The following RBFOX3 variants were observed in gnomAD, a reference collection of about 807,000 sequenced individuals.
RBFOX3 encodes the protein RNA binding protein fox-1 homolog 3.
Under a neutral mutation model 48.7 loss-of-function variants are expected in RBFOX3, and 17 were observed. The observed-to-expected ratio is 0.35, with a 90% CI of 0.24 to 0.52. RBFOX3 has a LOEUF of 0.52. RBFOX3 is among the 20% of genes least tolerant of loss of function. The probability of loss-of-function intolerance (pLI) is 0.94; values close to 1 mark genes in which losing one functional copy is unlikely to be tolerated. For missense variants in RBFOX3, 382 were observed against 497.5 expected, an observed-to-expected ratio of 0.77 and a Z score of 2.21; for synonymous variants, 212 against 209.5, an observed-to-expected ratio of 1.01 and a Z score of -0.10.
intron 4 of RBFOX3, among the ~76,000 whole-genome samples, chr17:79,196,615 G>A (rs2612806): frequency 6.6e-6 from 1 of 152,122 alleles, no homozygotes; most frequent in African/African-American, 2.4e-5. Flanking sequence ...GCAGTGCCCA[G>A]ATGAGACTGC....
At chr17:79,355,057 AG>A (rs1207497500) in intron 2 of RBFOX3, among the ~76,000 whole-genome samples, 3 of 152,134 alleles carry the variant, frequency 2.0e-5, no homozygotes, top group Non-Finnish European at 2.9e-5. Context: ...TCCTCTTTAT[AG>A]CCCCACACGG....
rs551750948 is a variant in RBFOX3 at position 79,426,006 on chromosome 17, G to C, written c.-175+56448C>G. Reference sequence around the variant, plus strand: ...TGTAACACTGGAGGAATCACGGAGAGTGTGGAGGGGGAGAGAGCAAGGCTG... The same window carrying C: ...TGTAACACTGGAGGAATCACGGAGACTGTGGAGGGGGAGAGAGCAAGGCTG... On this transcript the variant is annotated intron_variant, in intron 2 of 14. Transcript: ENST00000693108. Among the ~76,000 whole-genome samples the C allele has an allele frequency of 1.3e-3, 193 of 152,130 alleles. 3 individuals carry two copies. Among genetic ancestry groups the C allele is most frequent in the Admixed American group, 3.5e-3 (53 of 15,272 alleles).
the RBFOX3 span, among the ~76,000 whole-genome samples, chr17:79,660,448 AC>A: frequency 6.6e-6 from 1 of 152,250 alleles, no homozygotes; most frequent in African/African-American, 2.4e-5. Flanking sequence ...AAACACATTT[AC>A]AAGAAAAAAT....
intron 1 of RBFOX3, among the ~76,000 whole-genome samples, chr17:79,537,655 C>A (rs782357828): frequency 6.6e-6 from 1 of 152,222 alleles, no homozygotes; most frequent in African/African-American, 2.4e-5. Context: ...GACAAATCTA[C>A]TTCCTCCTGC....
At chr17:79,297,399 C>A (rs1323783855) in intron 3 of RBFOX3, among the ~76,000 whole-genome samples, 3 of 152,216 alleles carry the variant, frequency 2.0e-5, no homozygotes, top group Non-Finnish European at 2.9e-5. Flanking sequence ...CATCCCGGGC[C>A]AGCCCCAAGG....
At chr17:79,492,625 T>C (rs2080859777) in intron 1 of RBFOX3, among the ~76,000 whole-genome samples, 1 of 152,210 alleles carries the variant, frequency 6.6e-6, no homozygotes, top group Non-Finnish European at 1.5e-5. Flanking sequence ...AGCCAGGCAC[T>C]CAGCTGAGCC....
chr17:79,297,102 C>T (rs36035396), intron 3 of RBFOX3, among the ~76,000 whole-genome samples: 70,169 of 151,112 alleles, frequency 0.46, 16,882 homozygotes, highest in African/African-American at 0.57. Context: ...TAAAGTGATG[C>T]CCAAGGCCCA....
At chr17:79,283,356 C>T (rs9905682) in intron 3 of RBFOX3, among the ~76,000 whole-genome samples, 77,022 of 149,562 alleles carry the variant, frequency 0.51, 20,232 homozygotes, top group African/African-American at 0.6. Context: ...GCAACCTCTG[C>T]CTCCTGGGTT....
rs2086379784 is a variant in RBFOX3 at position 79,361,653 on chromosome 17, C to T, written c.-174-53829G>A. The stretch of plus-strand genomic sequence containing the variant: ...TCCTCCCAGCATCCCCTCTCTTTCA[C>T]TCTGCCCTCAAACAGCATTTCACTC... On this transcript the variant is annotated intron_variant, in intron 2 of 14. Transcript: ENST00000693108. The surrounding 1 kb of genome is among the most constrained non-coding windows in gnomAD (Gnocchi z 4.5). Among the ~76,000 whole-genome samples the T allele has an allele frequency of 3.9e-5, 6 of 152,252 alleles. No individual in the cohort carries two copies. The highest frequency in any genetic ancestry group is 3.9e-4 in the Admixed American group (6 of 15,288).
In RBFOX3 at chr17:79,255,372, G is replaced by C. The variant is rs143540505; in HGVS notation, c.-73-19567C>G. On this transcript the variant is annotated intron_variant, in intron 3 of 14. Transcript: ENST00000693108. Reference sequence around the variant, plus strand: ...CATCAGTGACACCGTTGAGAGACACGTGGACACTTCAACATCTGCCCTGCT... The same window carrying C: ...CATCAGTGACACCGTTGAGAGACACCTGGACACTTCAACATCTGCCCTGCT... Among the ~76,000 whole-genome samples the C allele has an allele frequency of 4.4e-3, 668 of 152,100 alleles. 1 individual carries two copies. Among genetic ancestry groups the C allele is most frequent in the Admixed American group, 8.2e-3 (125 of 15,270 alleles).
At chr17:79,582,932 C>A (rs2093125400) in intron 1 of RBFOX3, among the ~76,000 whole-genome samples, 1 of 152,150 alleles carries the variant, frequency 6.6e-6, no homozygotes, top group Non-Finnish European at 1.5e-5. Flanking sequence ...CCTCCCAGAG[C>A]CATGGACCAC....
At chr17:79,583,207 C>A (rs2093135592) in intron 1 of RBFOX3, among the ~76,000 whole-genome samples, 1 of 152,214 alleles carries the variant, frequency 6.6e-6, no homozygotes, top group Non-Finnish European at 1.5e-5. Flanking sequence ...CCTCCCCAAG[C>A]CTCAGCTTCC....
intron 13 of RBFOX3, among the ~76,000 whole-genome samples, chr17:79,095,070 G>A (rs927493443): frequency 1.3e-5 from 2 of 152,166 alleles, no homozygotes; most frequent in Non-Finnish European, 2.9e-5. Flanking sequence ...TCAGGGAGAT[G>A]GAGCCGGGGC....
rs1468700348 is a variant in RBFOX3, at chr17:79,242,968, GC to G, written c.-73-7164del. Among the ~76,000 whole-genome samples the G allele has an allele frequency of 6.6e-6, 1 of 152,166 alleles. No individual in the cohort carries two copies. The highest frequency in any genetic ancestry group is 1.5e-5 in the Non-Finnish European group (1 of 68,016). The stretch of plus-strand genomic sequence containing the variant: ...TCTGCCTGCGTGGACACTGCTGTGG[GC>G]CCCGTGACAGCAGCATGCATGCCTA... On this transcript the variant is annotated intron_variant, in intron 3 of 14. Coordinates refer to ENST00000693108, the MANE Select transcript of RBFOX3 (RefSeq NM_001350451.2). The surrounding 1 kb of genome is among the most constrained non-coding windows in gnomAD (Gnocchi z 5.8).
At chr17:79,312,466 G>A (rs1215052911) in intron 2 of RBFOX3, among the ~76,000 whole-genome samples, 1 of 152,052 alleles carries the variant, frequency 6.6e-6, no homozygotes, top group Non-Finnish European at 1.5e-5. Context: ...GCACTGTGAG[G>A]GCAGGAGCAT....
intron 4 of RBFOX3, among the ~76,000 whole-genome samples, chr17:79,127,322 G>A (rs956918085): frequency 6.6e-6 from 1 of 152,196 alleles, no homozygotes; most frequent in African/African-American, 2.4e-5. Flanking sequence ...CCACGAGCCA[G>A]AGGACAACCC....
chr17:79,281,012 T>C (rs2070339242), intron 3 of RBFOX3, among the ~76,000 whole-genome samples: 1 of 152,176 alleles, frequency 6.6e-6, no homozygotes, highest in Non-Finnish European at 1.5e-5. Context: ...GATGATCCCC[T>C]ATCACCTCCA....
At chr17:79,291,554 A>C (rs2073264019) in intron 3 of RBFOX3, among the ~76,000 whole-genome samples, 3 of 152,318 alleles carry the variant, frequency 2.0e-5, no homozygotes, top group Middle Eastern at 6.8e-3. Context: ...GCACACTCAG[A>C]ACCCTGTGTC....
At chr17:79,301,507 C>T (rs925736458) in intron 3 of RBFOX3, among the ~76,000 whole-genome samples, 1 of 152,248 alleles carries the variant, frequency 6.6e-6, no homozygotes, top group Non-Finnish European at 1.5e-5. Flanking sequence ...CGGCCCTGCT[C>T]ACCTAAAGGC....
Sources: gnomAD v4.1 joint callset for allele counts (sites outside exome capture counted in the v4.1 genomes callset) on GRCh38, gnomAD v4.1.1 for gene constraint, Gnocchi (gnomAD v3.1) non-coding constraint, MANE v1.5 for transcripts, NCBI Gene and HGNC (gene_info 2026-07-23, HGNC 2026-07-21) for gene names.